DST: variants seen among roughly 807,000 people sequenced by gnomAD.
DST encodes the protein dystonin.
In DST, 253 loss-of-function variants were observed where a neutral mutation model predicts 875.2. The ratio of observed to expected loss-of-function variants is 0.29; its 90% CI spans 0.26 to 0.32. DST has a LOEUF of 0.32. Ranked by LOEUF, DST falls within the 10% of genes least tolerant of loss-of-function variation. The probability of loss-of-function intolerance (pLI) is 1.00; values close to 1 mark genes in which losing one functional copy is unlikely to be tolerated. For synonymous variants in DST, 3,124 were observed against 3,197.1 expected (o/e 0.98, Z 0.77); for missense variants, 8,287 against 9,111.6 (o/e 0.91, Z 3.68).
intron 45 of DST, among the ~76,000 whole-genome samples, chr6:56,599,852 C>T (rs1378311581): frequency 6.6e-6 from 1 of 151,978 alleles, no homozygotes; most frequent in Non-Finnish European, 1.5e-5. Flanking sequence ...CTCAATATCT[C>T]TTACCAAAAA....
At chr6:56,793,028 C>G (rs2099731091) in intron 4 of DST, among the ~76,000 whole-genome samples, 1 of 140,114 alleles carries the variant, frequency 7.1e-6, no homozygotes, top group South Asian at 2.3e-4. Context: ...ATGATCGCAC[C>G]ACTGCACTCC....
At chr6:56,508,442 G>T in intron 75 of DST, 87 bp downstream of exon 75, 1 of 1,052,250 alleles carries the variant, frequency 9.5e-7, no homozygotes, top group Non-Finnish European at 1.5e-6. Flanking sequence ...AATGTTAACA[G>T]AGTAACTCCT....
At chr6:56,777,721 T>A (rs1324671344) in intron 4 of DST, among the ~76,000 whole-genome samples, 1 of 151,944 alleles carries the variant, frequency 6.6e-6, no homozygotes, top group Admixed American at 6.6e-5. Flanking sequence ...TTTTTTTTTT[T>A]AAGATAGGGT....
intron 5 of DST, among the ~76,000 whole-genome samples, chr6:56,708,053 T>C (rs2099348322): frequency 6.6e-6 from 1 of 152,082 alleles, no homozygotes; most frequent in African/African-American, 2.4e-5. Flanking sequence ...GCTGTGATCA[T>C]GCCACTGCAC....
chr6:56,473,525 T>G (rs1302598132), intron 93 of DST, among the ~76,000 whole-genome samples: 2 of 152,144 alleles, frequency 1.3e-5, no homozygotes, highest in African/African-American at 4.8e-5. Context: ...TGGTCATTTT[T>G]GTTATGTTCA....
intron 56 of DST, among the ~76,000 whole-genome samples, chr6:56,561,774 A>G (rs749435384): frequency 2.3e-4 from 35 of 152,238 alleles, no homozygotes; most frequent in Non-Finnish European, 3.8e-4. Context: ...GAAATAAAAA[A>G]GACATTTTAA....
At chr6:56,638,583 C>G (rs1176723113) in intron 22 of DST, among the ~76,000 whole-genome samples, 1 of 152,076 alleles carries the variant, frequency 6.6e-6, no homozygotes, top group Admixed American at 6.5e-5. Context: ...CTTACATAAT[C>G]CCCCTATTCT....
intron 30 of DST, 57 bp downstream of exon 30, chr6:56,631,154 T>C (rs1409688409): frequency 4.9e-5 from 40 of 820,256 alleles, no homozygotes; most frequent in Non-Finnish European, 7.0e-5. Flanking sequence ...AAATTAATAG[T>C]AAATAAAAAT....
intron 2 of DST, among the ~76,000 whole-genome samples, chr6:56,909,606 C>T (rs1592358759): frequency 6.6e-6 from 1 of 152,372 alleles, no homozygotes; most frequent in East Asian, 1.9e-4. Flanking sequence ...ACTACCCTGA[C>T]TCACTGGTTC....
intron 4 of DST, among the ~76,000 whole-genome samples, chr6:56,842,628 G>GCCTT (rs2099801641): frequency 2.6e-5 from 4 of 152,030 alleles, no homozygotes; most frequent in Non-Finnish European, 5.9e-5. Flanking sequence ...TCATTTTAAG[G>GCCTT]AAAATGATCT....
intron 9 of DST, among the ~76,000 whole-genome samples, chr6:56,678,001 C>T (rs900692875): frequency 3.3e-5 from 5 of 152,220 alleles, no homozygotes; most frequent in Non-Finnish European, 5.9e-5. Flanking sequence ...GGCCCACAGG[C>T]GGGGCAGGTG....
In DST at chr6:56,592,359, C is replaced by T; in HGVS notation, c.12727-1G>A. On this transcript the variant is annotated splice_acceptor_variant, in intron 48 of 103. Transcript: ENST00000680361. LOFTEE classifies it high-confidence loss of function. Reference sequence around the variant, plus strand: ...TAAGATTATTTCCAAGAACATTGCACTAACAATCAAAAGAGAAAAGGGGTA... The same window carrying T: ...TAAGATTATTTCCAAGAACATTGCATTAACAATCAAAAGAGAAAAGGGGTA... 1 of 1,584,874 alleles carries T rather than the reference C, an allele frequency of 6.3e-7. No homozygotes were observed. Among genetic ancestry groups the T allele is most frequent in the Non-Finnish European group, 8.6e-7 (1 of 1,163,386 alleles).
intron 61 of DST, among the ~76,000 whole-genome samples, chr6:56,546,347 C>CATATATATATATAT (rs10617867): frequency 2.2e-4 from 16 of 72,638 alleles, no homozygotes; most frequent in East Asian, 6.1e-4. Context: ...ATACATATTT[C>CATATATATATATAT]ATATATATAT....
intron 2 of DST, among the ~76,000 whole-genome samples, chr6:56,947,404 C>A (rs765284921): frequency 6.6e-6 from 1 of 152,118 alleles, no homozygotes; most frequent in Non-Finnish European, 1.5e-5. Context: ...GCGTGCGCCA[C>A]CACACCCAGC....
chr6:56,898,485 T>C (rs994666058), intron 3 of DST, among the ~76,000 whole-genome samples: 1 of 152,158 alleles, frequency 6.6e-6, no homozygotes, highest in African/African-American at 2.4e-5. Context: ...CTGATCCACA[T>C]GGGGAGATTA....
In DST at chr6:56,647,298, GA is replaced by G. The variant is rs2098948692; in HGVS notation, c.1555-1117del. Among the ~76,000 whole-genome samples, 3 of 152,016 alleles carry G rather than the reference GA, an allele frequency of 2.0e-5. No homozygotes were observed. In the South Asian group the frequency reaches 6.2e-4, roughly 32 times the overall value. On this transcript the variant is annotated intron_variant, in intron 13 of 103. Transcript: ENST00000680361. Reference sequence around the variant, plus strand: ...TGTAGGGAAAAGTTTTCCTGCCCTGGAAAATTACATGTCCATGTAGGGAAAC... The same window carrying G: ...TGTAGGGAAAAGTTTTCCTGCCCTGGAAATTACATGTCCATGTAGGGAAAC...
intron 4 of DST, among the ~76,000 whole-genome samples, chr6:56,784,973 G>A (rs886299772): frequency 6.6e-6 from 1 of 152,184 alleles, no homozygotes; most frequent in Admixed American, 6.5e-5. Flanking sequence ...AGGTCTGTTG[G>A]AATTTGCTAG....
At chr6:56,638,904 T>G (rs1324592929) in intron 22 of DST, 1 of 330,864 alleles carries the variant, frequency 3.0e-6, no homozygotes, top group Non-Finnish European at 5.7e-6. Context: ...AGAGGTAATC[T>G]CTCCCATTCT....
At chr6:56,933,311 A>G (rs2127766553) in intron 2 of DST, among the ~76,000 whole-genome samples, 1 of 152,324 alleles carries the variant, frequency 6.6e-6, no homozygotes, top group Non-Finnish European at 1.5e-5. Context: ...ACCTCTGCAT[A>G]TTGATTTATG....
Sources: gnomAD v4.1 joint callset for allele counts (sites outside exome capture counted in the v4.1 genomes callset) on GRCh38, gnomAD v4.1.1 for gene constraint, MANE v1.5 for transcripts, NCBI Gene and HGNC (gene_info 2026-07-23, HGNC 2026-07-21) for gene names.